KCTD4: variants seen among roughly 807,000 people sequenced by gnomAD.
KCTD4 encodes potassium channel tetramerization domain containing 4.
Under a neutral mutation model 18.3 loss-of-function variants are expected in KCTD4, and 12 were observed. The observed-to-expected ratio is 0.66, with a 90% CI of 0.42 to 1.06. The LOEUF (loss-of-function observed/expected upper bound fraction) is 1.06, where lower values mean the gene tolerates loss of function less well. Ranked by LOEUF, KCTD4 falls within the 50% of genes least tolerant of loss-of-function variation. The pLI, the probability that KCTD4 is intolerant of heterozygous loss-of-function variation, is 0.00. For synonymous variants in KCTD4, 124 were observed against 110.5 expected (o/e 1.12, Z -0.76); for missense variants, 250 against 303.4 (o/e 0.82, Z 1.31).
intron 1 of KCTD4, among the ~76,000 whole-genome samples, chr13:45,197,272 A>G (rs9534061): frequency 0.21 from 31,013 of 150,450 alleles, 3,423 homozygotes; most frequent in African/African-American, 0.23. Context: ...TGAGGCGGGC[A>G]GGTCACTTGA....
Position 45,194,409 on chromosome 13 carries a change from C to T in KCTD4, c.159G>A (p.Lys53=), listed in dbSNP as rs1566130722. The T allele has an allele frequency of 6.2e-7, 1 of 1,614,146 alleles. No homozygotes were observed. The highest frequency in any genetic ancestry group is 8.5e-7 in the Non-Finnish European group (1 of 1,180,012). ...LYITQKQTLT[K]YPDTFLEGIV... ...TACCTTCAAGGAAAGTGTCTGGGTA[C>T]TTGGTCAGTGTTTGTTTTTGAGTAA... is the stretch of plus-strand genomic sequence containing the variant. Residue 53 remains lysine, a synonymous_variant, in exon 2 of 2, where the codon AAG becomes AAA. Transcript: ENST00000379108.
At chr13:45,197,859 C>T (rs553451897) in intron 1 of KCTD4, among the ~76,000 whole-genome samples, 6 of 152,162 alleles carry the variant, frequency 3.9e-5, no homozygotes, top group Non-Finnish European at 7.4e-5. Context: ...AGATACAAAC[C>T]GGAACTGCTC....
chr13:45,193,942 A>G lies in KCTD4; in HGVS notation c.626T>C (p.Val209Ala). Residue 209 changes from valine (V) to alanine (A), a missense_variant, in exon 2 of 2, where the codon GTA becomes GCA. Val to Ala is a moderately conservative substitution (Grantham distance 64). Transcript: ENST00000379108. ...GACAAAGGTGTTGTCTTCCTTTAGT[A>G]CAAGTCGAGTGCCATTTTCAGACTT... The part of the protein sequence containing the change: ...FIKSENGTRL[V>A]LKEDNTFVCT... 6.2e-7 allele frequency: 1 copy of G among 1,614,158 alleles called. No individual in the cohort carries two copies. The highest frequency in any genetic ancestry group is 8.5e-7 in the Non-Finnish European group (1 of 1,180,014).
At chr13:45,195,870 G>A (rs1437540042) in intron 1 of KCTD4, among the ~76,000 whole-genome samples, 2 of 151,972 alleles carry the variant, frequency 1.3e-5, no homozygotes, top group African/African-American at 4.8e-5. Context: ...TGCCCAGACG[G>A]GTCTCAAACT....
rs147828648 is a variant in KCTD4 at position 45,193,575 on chromosome 13, T to C, written c.*213A>G. The C allele has an allele frequency of 6.1e-3, 3,012 of 493,426 alleles. 28 individuals are homozygous for C. Among genetic ancestry groups the C allele is most frequent in the Middle Eastern group, 0.029 (57 of 1,946 alleles). 30.6% of individuals were successfully genotyped at this position (493,426 alleles called of 1,614,324 possible). A position where few individuals can be genotyped will look rare whatever the true frequency, so the allele number is the denominator to read the frequency against. On this transcript the variant is annotated 3_prime_UTR_variant, in exon 2 of 2. Transcript: ENST00000379108. ...AGTATATAGAAGGTTACTGTTTTCA[T>C]TTTAGGTGGAAGAGTCTGATCAGTA...
Position 45,193,805 on chromosome 13 carries a change from G to T in KCTD4, c.763C>A (p.Leu255Ile). The T allele has an allele frequency of 6.3e-7, 1 of 1,590,184 alleles. No individual in the cohort carries two copies. Among genetic ancestry groups the T allele is most frequent in the Non-Finnish European group, 8.5e-7 (1 of 1,170,584 alleles). The change falls in exon 2 of 2, where the codon CTT becomes ATT. Residue 255 changes from leucine (L) to isoleucine (I), a missense_variant. Physicochemically the swap from Leu to Ile is conservative, Grantham distance 5. Coordinates refer to ENST00000379108, the MANE Select transcript of KCTD4 (RefSeq NM_198404.3). ...ACAGGTAATTACTTGATAAAATGAA[G>T]TGCATCGCTGTGAACAATTGACCCT... ...SKGSIVHSDALHFIK is the reference protein window; with the variant it reads ...SKGSIVHSDAIHFIK
chr13:45,199,233 A>G (rs1219790677), intron 1 of KCTD4, among the ~76,000 whole-genome samples: 1 of 152,254 alleles, frequency 6.6e-6, no homozygotes, highest in Non-Finnish European at 1.5e-5. Flanking sequence ...GAAGCCCAGG[A>G]AAATTGCCTA....
chr13:45,193,714 G>T lies in KCTD4; in HGVS notation c.*74C>A. The T allele has an allele frequency of 7.3e-7, 1 of 1,371,670 alleles. No individual in the cohort carries two copies. The allele number at this position is 1,371,670 out of a possible 1,614,324, so 85.0% of individuals were successfully genotyped here. The stretch of plus-strand genomic sequence containing the variant: ...CAGAGCTAGCTGGGCATGTTATTTG[G>T]GATGTCTTTGATGCTGTGGTTTTCC... On this transcript the variant is annotated 3_prime_UTR_variant, in exon 2 of 2. Coordinates refer to ENST00000379108, the MANE Select transcript of KCTD4 (RefSeq NM_198404.3).
At chr13:45,199,669 C>G in intron 1 of KCTD4, among the ~76,000 whole-genome samples, 1 of 152,106 alleles carries the variant, frequency 6.6e-6, no homozygotes, top group Admixed American at 6.6e-5. Context: ...TGGCAAAATG[C>G]AATTTTACTT....
At position 45,193,297 on chromosome 13, in the gene KCTD4, T is replaced by C. The variant is rs1437776561; in HGVS notation, c.*491A>G. 2 of 152,734 alleles carry C rather than the reference T, an allele frequency of 1.3e-5. No homozygotes were observed. The highest frequency in any genetic ancestry group is 2.4e-5 in the African/African-American group (1 of 41,476). The allele number at this position is 152,734 out of a possible 1,614,324, so 9.5% of individuals were successfully genotyped here. On this transcript the variant is annotated 3_prime_UTR_variant, in exon 2 of 2. Transcript: ENST00000379108. ...ATCTCATTTTGTTTCACTATAGCTC[T>C]GTTTTAGTTAGATCTGCACATCTGT...
Position 45,194,710 on chromosome 13 carries a change from G to T in KCTD4, c.-143C>A. 1.4e-6 allele frequency: 1 copy of T among 721,426 alleles called. No individual in the cohort carries two copies. The highest frequency in any genetic ancestry group is 2.3e-6 in the Non-Finnish European group (1 of 426,388). 44.7% of individuals were successfully genotyped at this position (721,426 alleles called of 1,614,324 possible). On this transcript the variant is annotated 5_prime_UTR_variant, in exon 2 of 2. Transcript: ENST00000379108. ...GCAGCATCGCCTGCGCTGTCAGCTC[G>T]GTTTTGCAGTAGGTGGCGTATCAGC...
chr13:45,200,354 G>T (rs766640912), intron 1 of KCTD4, among the ~76,000 whole-genome samples: 4 of 152,064 alleles, frequency 2.6e-5, no homozygotes, highest in African/African-American at 9.7e-5. Context: ...ACAGGGTCTT[G>T]CTCTGTCACC....
rs1050619153 is a variant in KCTD4 at position 45,193,227 on chromosome 13, C to T, written c.*561G>A. On this transcript the variant is annotated 3_prime_UTR_variant, in exon 2 of 2. Coordinates refer to ENST00000379108, the MANE Select transcript of KCTD4 (RefSeq NM_198404.3). The stretch of plus-strand genomic sequence containing the variant: ...GAACTGTGAATATAAGCTTTTGGTG[C>T]TTGCTATGGAAAAATCAAATCAATA... The T allele has an allele frequency of 2.0e-5, 3 of 152,156 alleles. No homozygotes were observed. The highest frequency in any genetic ancestry group is 4.8e-5 in the African/African-American group (2 of 41,414). The allele number at this position is 152,156 out of a possible 1,614,324, so 9.4% of individuals were successfully genotyped here. A position where few individuals can be genotyped will look rare whatever the true frequency, so the allele number is the denominator to read the frequency against.
intron 1 of KCTD4, among the ~76,000 whole-genome samples, chr13:45,199,799 G>T (rs1873085840): frequency 6.6e-6 from 1 of 152,142 alleles, no homozygotes; most frequent in African/African-American, 2.4e-5. Context: ...ACTAAAGAGG[G>T]TCTCTGTTAC....
chr13:45,195,225 A>G (rs1022822562), intron 1 of KCTD4, among the ~76,000 whole-genome samples: 16 of 152,274 alleles, frequency 1.1e-4, no homozygotes, highest in Admixed American at 4.6e-4. Context: ...TTGGAGATCT[A>G]TGTTAAAGGA....
intron 1 of KCTD4, among the ~76,000 whole-genome samples, chr13:45,197,132 G>A (rs1872934946): frequency 6.6e-6 from 1 of 151,670 alleles, no homozygotes; most frequent in African/African-American, 2.4e-5. Context: ...CTGAAGCTTT[G>A]TCTTAGTGCC....
chr13:45,193,500 A>G lies in KCTD4; in HGVS notation c.*288T>C. 1 of 291,686 alleles carries G rather than the reference A, an allele frequency of 3.4e-6. No homozygotes were observed. Among genetic ancestry groups the G allele is most frequent in the East Asian group, 5.9e-5 (1 of 16,964 alleles). 18.1% of individuals were successfully genotyped at this position (291,686 alleles called of 1,614,324 possible). On this transcript the variant is annotated 3_prime_UTR_variant, in exon 2 of 2. Transcript: ENST00000379108. ...AAATACCCAAGACAATCTGAATTGA[A>G]AGACAGCTTAAGGACAAATAAATAG...
At chr13:45,195,108 A>G (rs2138174660) in intron 1 of KCTD4, among the ~76,000 whole-genome samples, 1 of 152,318 alleles carries the variant, frequency 6.6e-6, no homozygotes, top group East Asian at 1.9e-4. Context: ...GGAAAAAGTC[A>G]CACATTTCAA....
chr13:45,194,592 G>A lies in KCTD4; in HGVS notation c.-25C>T, dbSNP rs1297762404. Reference sequence around the variant, plus strand: ...TTTTTTGAAGATGCTATTTCAGCTTGTTCTTCTTGGCTTTGAGATTTTTTA... The same window carrying A: ...TTTTTTGAAGATGCTATTTCAGCTTATTCTTCTTGGCTTTGAGATTTTTTA... On this transcript the variant is annotated 5_prime_UTR_variant, in exon 2 of 2. Transcript: ENST00000379108. 1 of 1,588,562 alleles carries A rather than the reference G, an allele frequency of 6.3e-7. No homozygotes were observed. Among genetic ancestry groups the A allele is most frequent in the East Asian group, 2.2e-5 (1 of 44,638 alleles).
Sources: gnomAD v4.1 joint callset for allele counts (sites outside exome capture counted in the v4.1 genomes callset) on GRCh38, gnomAD v4.1.1 for gene constraint, MANE v1.5 for transcripts, NCBI Gene and HGNC (gene_info 2026-07-23, HGNC 2026-07-21) for gene names.